The following ACOT1 variants were observed in gnomAD, a reference collection of about 807,000 sequenced individuals.
The protein encoded by ACOT1 is acyl-coenzyme A thioesterase 1.
ACOT1 carries 8 observed loss-of-function variants against 15.7 expected under a neutral mutation model. That is an observed-to-expected ratio of 0.51 (90% CI 0.30 to 0.92). The LOEUF is 0.92. Among genes scored for constraint, ACOT1 ranks in the 40% least tolerant of loss-of-function variants. The pLI, the probability that ACOT1 is intolerant of heterozygous loss-of-function variation, is 0.06. For missense variants in ACOT1, 151 were observed against 539.4 expected (o/e 0.28, Z 7.13); for synonymous variants, 67 against 241.2 (o/e 0.28, Z 6.69).
At chr14:73,501,546 C>T in the ACOT1 span, among the ~76,000 whole-genome samples, 4 of 145,564 alleles carry the variant, frequency 2.7e-5, no homozygotes, top group African/African-American at 1.0e-4. Context: ...ACCCACTCTG[C>T]GGCTCCTATG....
At chr14:73,491,770 G>A in the ACOT1 span, 2 of 1,569,452 alleles carry the variant, frequency 1.3e-6, no homozygotes, top group East Asian at 2.4e-5. Flanking sequence ...ATTCGATGCT[G>A]CGCAACGAGG....
the ACOT1 span, among the ~76,000 whole-genome samples, chr14:73,511,574 T>A: frequency 6.8e-6 from 1 of 146,272 alleles, no homozygotes; most frequent in African/African-American, 2.5e-5. Flanking sequence ...TAAAATAAAA[T>A]AAAAAAGAAT....
chr14:73,492,198 G>C, the ACOT1 span: 2 of 1,613,992 alleles, frequency 1.2e-6, no homozygotes, highest in Non-Finnish European at 1.7e-6. This position sits in a 1 kb window ranked among gnomAD's most constrained non-coding sequence, Gnocchi z 4.9. Context: ...CTGGAACCTG[G>C]AGATTTGCTG....
At chr14:73,528,392 CAAA>C in the ACOT1 span, among the ~76,000 whole-genome samples, 5 of 88,498 alleles carry the variant, frequency 5.6e-5, no homozygotes, top group African/African-American at 1.4e-4. Context: ...AACTTCATCT[CAAA>C]AAAAAAAAAA....
chr14:73,519,395 C>T, the ACOT1 span, among the ~76,000 whole-genome samples: 1 of 152,096 alleles, frequency 6.6e-6, no homozygotes, highest in African/African-American at 2.4e-5. Flanking sequence ...AAGGAAATGT[C>T]ATAGCTAGTC....
the ACOT1 span, chr14:73,506,484 T>C: frequency 6.2e-7 from 1 of 1,613,622 alleles, no homozygotes; most frequent in Non-Finnish European, 8.5e-7. Context: ...ACATTTCCAC[T>C]GATCCGGGAG....
chr14:73,498,072 A>G, the ACOT1 span: 2 of 1,317,720 alleles, frequency 1.5e-6, no homozygotes, highest in Middle Eastern at 2.8e-4. Context: ...GGTAGCCTGG[A>G]AAGGCAGGGA....
At chr14:73,499,166 T>C in the ACOT1 span, 1 of 1,602,172 alleles carries the variant, frequency 6.2e-7, no homozygotes, top group East Asian at 2.2e-5. Context: ...CAGTGTTGAG[T>C]GGGGAGGACC....
the ACOT1 span, chr14:73,514,102 T>A: frequency 6.2e-7 from 1 of 1,614,228 alleles, no homozygotes; most frequent in South Asian, 1.1e-5. Flanking sequence ...CACATCCTCC[T>A]GCAGTGATTT....
the ACOT1 span, among the ~76,000 whole-genome samples, chr14:73,499,494 A>C: frequency 6.6e-6 from 1 of 152,002 alleles, no homozygotes; most frequent in South Asian, 2.1e-4. Flanking sequence ...AAGCAAAAAA[A>C]CAAAACAAAG....
At chr14:73,514,136 T>G in the ACOT1 span, 3 of 1,614,140 alleles carry the variant, frequency 1.9e-6, no homozygotes, top group Non-Finnish European at 2.5e-6. Context: ...AATCTCCTGG[T>G]CTTAATAGGC....
the ACOT1 span, chr14:73,499,222 T>C: frequency 8.4e-7 from 1 of 1,195,908 alleles, no homozygotes; most frequent in Non-Finnish European, 1.3e-6. Context: ...GGTGCACCCC[T>C]GTAATCCCAG....
the ACOT1 span, chr14:73,514,371 T>C: frequency 2.8e-6 from 2 of 708,312 alleles, no homozygotes; most frequent in African/African-American, 1.8e-5. Context: ...AATTTCCCCA[T>C]GATTATATGG....
chr14:73,496,640 A>G, the ACOT1 span: 2 of 1,601,940 alleles, frequency 1.2e-6, no homozygotes, highest in South Asian at 1.1e-5. Flanking sequence ...GGTTTCCTTC[A>G]TTTCCTAAGT....
the ACOT1 span, chr14:73,500,618 C>T: frequency 1.2e-6 from 2 of 1,614,156 alleles, no homozygotes; most frequent in East Asian, 2.2e-5. Flanking sequence ...GTGAAGTCAT[C>T]AGAGAAGCAG....
chr14:73,540,661 G>C (rs1037479734), intron 1 of ACOT1, among the ~76,000 whole-genome samples: 1 of 120,178 alleles, frequency 8.3e-6, no homozygotes, highest in African/African-American at 2.9e-5. Flanking sequence ...AAAGGGCACA[G>C]GGGTCTGTGG....
At chr14:73,500,561 G>T in the ACOT1 span, 56 of 1,612,700 alleles carry the variant, frequency 3.5e-5, no homozygotes, top group Non-Finnish European at 4.6e-5. Flanking sequence ...ATCTTGTCGC[G>T]GATCTGCAGG....
At chr14:73,496,098 C>A in the ACOT1 span, among the ~76,000 whole-genome samples, 2 of 152,130 alleles carry the variant, frequency 1.3e-5, no homozygotes, top group African/African-American at 4.8e-5. Flanking sequence ...CCACTGCACT[C>A]CAGCCTGGGC....
chr14:73,497,089 T>C, the ACOT1 span, among the ~76,000 whole-genome samples: 1 of 152,224 alleles, frequency 6.6e-6, no homozygotes, highest in Non-Finnish European at 1.5e-5. Flanking sequence ...AGAGATGGGG[T>C]TTCACCATGT....
Sources: gnomAD v4.1 joint callset for allele counts (sites outside exome capture counted in the v4.1 genomes callset) on GRCh38, gnomAD v4.1.1 for gene constraint, Gnocchi (gnomAD v3.1) non-coding constraint, MANE v1.5 for transcripts, NCBI Gene and HGNC (gene_info 2026-07-23, HGNC 2026-07-21) for gene names.